The following SASS6 variants were observed in gnomAD, a reference collection of about 807,000 sequenced individuals.
SASS6 encodes SAS-6 centriolar assembly protein.
A neutral mutation model predicts 94.9 loss-of-function variants in SASS6; 59 were observed. That is an observed-to-expected ratio of 0.62 (90% CI 0.50 to 0.77). The LOEUF is 0.77. Among genes scored for constraint, SASS6 ranks in the 30% least tolerant of loss-of-function variants. SASS6 has a pLI of 0.00. For synonymous variants in SASS6, 264 were observed against 270.0 expected, an observed-to-expected ratio of 0.98 and a Z score of 0.22; for missense variants, 698 against 734.1, an observed-to-expected ratio of 0.95 and a Z score of 0.57.
At chr1:100,097,588 G>T (rs1641806901) in intron 14 of SASS6, among the ~76,000 whole-genome samples, 1 of 152,154 alleles carries the variant, frequency 6.6e-6, no homozygotes, top group South Asian at 2.1e-4. Context: ...ACTTTGGGAG[G>T]CTGAGGCAGG....
At chr1:100,093,508 C>G (rs1651904804) in intron 14 of SASS6, among the ~76,000 whole-genome samples, 1 of 152,152 alleles carries the variant, frequency 6.6e-6, no homozygotes, top group Non-Finnish European at 1.5e-5. Context: ...TGCCTGTAAT[C>G]CCCACACTTT....
chr1:100,128,996 TG>T (rs1265217743), intron 1 of SASS6, among the ~76,000 whole-genome samples: 1 of 152,150 alleles, frequency 6.6e-6, no homozygotes, highest in Non-Finnish European at 1.5e-5. Flanking sequence ...CCCAGCACTT[TG>T]GGAGGCTGAG....
Position 100,132,833 on chromosome 1 carries a change from C to G in SASS6, c.-19G>C. ...GGCTCATGTTGGCTCGCTGCCTCGGCTGGTGTGCAGAAAAGCCCAACAGGC... is the reference window on the plus strand; with the variant it reads ...GGCTCATGTTGGCTCGCTGCCTCGGGTGGTGTGCAGAAAAGCCCAACAGGC... On this transcript the variant is annotated 5_prime_UTR_variant, in exon 1 of 17. Transcript: ENST00000287482. 6.2e-7 allele frequency: 1 copy of G among 1,612,708 alleles called. No individual in the cohort carries two copies.
At chr1:100,122,838 A>G (rs1381579022) in intron 3 of SASS6, among the ~76,000 whole-genome samples, 1 of 152,110 alleles carries the variant, frequency 6.6e-6, no homozygotes, top group East Asian at 1.9e-4. Flanking sequence ...GGCGTGAGCC[A>G]CCGTGCCTGG....
intron 14 of SASS6, among the ~76,000 whole-genome samples, chr1:100,095,404 G>A (rs576528122): frequency 6.6e-6 from 1 of 152,256 alleles, no homozygotes; most frequent in South Asian, 2.1e-4. Flanking sequence ...ATGGTGGCAT[G>A]CACTTGTGGT....
At chr1:100,122,615 C>A (rs1340094162) in intron 3 of SASS6, 131 bp from the exon 4 acceptor site, 1 of 381,088 alleles carries the variant, frequency 2.6e-6, no homozygotes, top group Non-Finnish European at 4.4e-6. Flanking sequence ...TGCAGTGGTG[C>A]AATCTTGGCT....
chr1:100,093,013 G>A (rs897475234), intron 14 of SASS6, among the ~76,000 whole-genome samples: 3 of 152,026 alleles, frequency 2.0e-5, no homozygotes, highest in African/African-American at 7.3e-5. Flanking sequence ...CTGTATGGTG[G>A]CAAGGTATGT....
chr1:100,131,333 G>T (rs1287252225), intron 1 of SASS6, among the ~76,000 whole-genome samples: 4 of 151,902 alleles, frequency 2.6e-5, no homozygotes, highest in African/African-American at 9.7e-5. Flanking sequence ...GGGACTACGG[G>T]TGTGAGCCAC....
chr1:100,131,125 T>C (rs1654981672), intron 1 of SASS6, among the ~76,000 whole-genome samples: 1 of 152,190 alleles, frequency 6.6e-6, no homozygotes, highest in South Asian at 2.1e-4. Flanking sequence ...TAAAACAGTG[T>C]TGTCCAATGG....
chr1:100,095,920 A>G (rs1468557723), intron 14 of SASS6, among the ~76,000 whole-genome samples: 1 of 152,246 alleles, frequency 6.6e-6, no homozygotes, highest in African/African-American at 2.4e-5. Flanking sequence ...CTCTAAATAA[A>G]TGGAAAGACT....
intron 15 of SASS6, among the ~76,000 whole-genome samples, chr1:100,087,685 C>G (rs1192069354): frequency 6.6e-6 from 1 of 152,134 alleles, no homozygotes; most frequent in East Asian, 1.9e-4. Context: ...CTGTATATTT[C>G]TAGCATATTA....
At chr1:100,115,989 T>C (rs901573099) in intron 7 of SASS6, among the ~76,000 whole-genome samples, 6 of 152,046 alleles carry the variant, frequency 3.9e-5, no homozygotes, top group South Asian at 2.1e-4. Context: ...TATTAGAATA[T>C]AGGAGAATTT....
intron 1 of SASS6, among the ~76,000 whole-genome samples, chr1:100,132,072 G>C (rs939034146): frequency 6.6e-6 from 1 of 152,176 alleles, no homozygotes; most frequent in Non-Finnish European, 1.5e-5. Context: ...TTCTCTGTGC[G>C]ACTGGTCTTT....
rs369215625 is a variant in SASS6, at chr1:100,131,564, A to G, written c.65+1186T>C. 1.5e-4 allele frequency among the ~76,000 whole-genome samples: 23 copies of G among 152,338 alleles called. 1 individual carries two copies. The highest frequency in any genetic ancestry group is 1.2e-3 in the East Asian group (6 of 5,190). ...TCATATGTAAAGCACAACAATTCAG[A>G]TAAGCCCCATTTCAAATGTCTAATA... On this transcript the variant is annotated intron_variant, in intron 1 of 16. Coordinates refer to ENST00000287482, the MANE Select transcript of SASS6 (RefSeq NM_194292.3).
At position 100,105,821 on chromosome 1, in the gene SASS6, A is replaced by G. The variant is rs561559179; in HGVS notation, c.1491T>C (p.Pro497=). ...TGATTGTGTTGCTGCTGGAATGTGC[A>G]GGCGGAGTAGTAGAAGGTCCCAATA... ...QDVLGPSTTP[P]AHSSSNTIRS... is the part of the protein sequence containing the mutation. Residue 497 remains proline (P), a synonymous_variant, in exon 13 of 17, where the codon CCT becomes CCC. Transcript: ENST00000287482. 2 of 1,613,392 alleles carry G rather than the reference A, an allele frequency of 1.2e-6. No individual in the cohort carries two copies. The highest frequency in any genetic ancestry group is 1.7e-6 in the Non-Finnish European group (2 of 1,179,532).
rs201883200 is a variant in SASS6 at position 100,123,328 on chromosome 1, A to G, written c.127-39T>C. On this transcript the variant is annotated intron_variant, in intron 2 of 16. Transcript: ENST00000287482. ...TGTTGTTTTTAAATGTTTTTACTAG[A>G]TCTGGCCTTTTGAGTAATTTCTTCT... 4.6e-5 allele frequency: 45 copies of G among 984,594 alleles called. 1 individual carries two copies. In the East Asian group the frequency reaches 1.1e-3, roughly 24 times the overall value. 61.0% of individuals were successfully genotyped at this position (984,594 alleles called of 1,614,324 possible).
At chr1:100,097,837 A>G (rs934561722) in intron 14 of SASS6, among the ~76,000 whole-genome samples, 1 of 152,206 alleles carries the variant, frequency 6.6e-6, no homozygotes, top group African/African-American at 2.4e-5. Context: ...CTCAAAAAAA[A>G]AGAAGAAAGA....
chr1:100,113,228 T>C (rs1333832515), intron 7 of SASS6, among the ~76,000 whole-genome samples: 1 of 152,134 alleles, frequency 6.6e-6, no homozygotes, highest in Non-Finnish European at 1.5e-5. Flanking sequence ...AACTTCAGTA[T>C]TAAGCAATAT....
intron 1 of SASS6, among the ~76,000 whole-genome samples, chr1:100,128,548 C>T (rs1335421206): frequency 2.6e-5 from 4 of 152,132 alleles, no homozygotes; most frequent in Non-Finnish European, 1.5e-5. Flanking sequence ...GTAAGTTAAA[C>T]GAATTCCCCA....
Sources: allele counts gnomAD v4.1 joint callset (sites outside exome capture counted in the v4.1 genomes callset), GRCh38; gene constraint gnomAD v4.1.1; transcripts MANE v1.5; gene names NCBI Gene and HGNC (gene_info 2026-07-23, HGNC 2026-07-21).